Variants in POLE observed in about 807,000 individuals in gnomAD.
The protein encoded by POLE is DNA polymerase epsilon, catalytic subunit.
A neutral mutation model predicts 279.2 loss-of-function variants in POLE; 188 were observed. The ratio of observed to expected loss-of-function variants is 0.67; its 90% CI spans 0.60 to 0.76. The LOEUF is 0.76. Among genes scored for constraint, POLE ranks in the 30% least tolerant of loss-of-function variants. The probability of loss-of-function intolerance (pLI) is 0.00; values close to 1 mark genes in which losing one functional copy is unlikely to be tolerated. For missense variants in POLE, 2,703 were observed against 3,016.7 expected (o/e 0.90, Z 2.44); for synonymous variants, 1,214 against 1,172.5 (o/e 1.04, Z -0.72).
At position 132,624,811 on chromosome 12, in the gene POLE, C is replaced by T. The variant is rs1593693662; in HGVS notation, c.6748-1G>A. 1 of 1,608,320 alleles carries T rather than the reference C, an allele frequency of 6.2e-7. No homozygotes were observed. The highest frequency in any genetic ancestry group is 8.5e-7 in the Non-Finnish European group (1 of 1,174,666). ...ATATTCCGATCTGTTCCATGAAGAC[C>T]TGCAGGAATAAACAGGCACAGTGAG... is the stretch of plus-strand genomic sequence containing the variant. On this transcript the variant is annotated splice_acceptor_variant, in intron 48 of 48. Coordinates refer to ENST00000320574, the MANE Select transcript of POLE (RefSeq NM_006231.4). LOFTEE classifies it high-confidence loss of function.
In POLE at chr12:132,661,957, C is replaced by A. The variant is rs928006622; in HGVS notation, c.2707-273G>T. 1.3e-5 allele frequency among the ~76,000 whole-genome samples: 2 copies of A among 152,154 alleles called. No individual in the cohort carries two copies. The highest frequency in any genetic ancestry group is 2.4e-5 in the African/African-American group (1 of 41,444). On this transcript the variant is annotated intron_variant, in intron 23 of 48. Transcript: ENST00000320574. The surrounding 1 kb of genome is among the most constrained non-coding windows in gnomAD (Gnocchi z 4.1). The stretch of plus-strand genomic sequence containing the variant: ...TTTTCGACAAAGCAAAATTATAGTA[C>A]AAAAAACACATTGTGGGTTGCCAGG...
At chr12:132,636,912 C>T (rs1215653415) in intron 41 of POLE, among the ~76,000 whole-genome samples, 1 of 152,262 alleles carries the variant, frequency 6.6e-6, no homozygotes, top group African/African-American at 2.4e-5. Context: ...CTGCTCTTCG[C>T]GCTAAGGAAG....
At position 132,624,186 on chromosome 12, in the gene POLE, T is replaced by C; in HGVS notation, c.*511A>G. ...CTGGGGAAACCAGCCCACAAACTGCTCCTGTGAGGCTGTGGGGCCAGCCCA... is the reference window on the plus strand; with the variant it reads ...CTGGGGAAACCAGCCCACAAACTGCCCCTGTGAGGCTGTGGGGCCAGCCCA... On this transcript the variant is annotated 3_prime_UTR_variant, in exon 49 of 49. Coordinates refer to ENST00000320574, the MANE Select transcript of POLE (RefSeq NM_006231.4). 4.5e-6 allele frequency: 1 copy of C among 224,212 alleles called. No individual in the cohort carries two copies. Among genetic ancestry groups the C allele is most frequent in the Non-Finnish European group, 8.9e-6 (1 of 112,188 alleles). 13.9% of individuals were successfully genotyped at this position (224,212 alleles called of 1,614,324 possible).
rs771930571 is a variant in POLE, at chr12:132,687,297, C to G, written c.19G>C (p.Gly7Arg). The G allele has an allele frequency of 3.3e-6, 5 of 1,505,636 alleles. No homozygotes were observed. In the South Asian group the frequency reaches 5.0e-5, roughly 15 times the overall value. The allele number at this position is 1,505,636 out of a possible 1,614,324, so 93.3% of individuals were successfully genotyped here. Residue 7 changes from glycine to arginine, a missense_variant, in exon 1 of 49, where the codon GGG becomes CGG. Gly to Arg is a moderately radical substitution (Grantham distance 125). Transcript: ENST00000320574. ...GCGCCTGGGTCCGCGCGCCGCCGCC[C>G]GCCGCTCCTCAGAGACATGGAGCCG... MSLRSG[G>R]RRRADPGADG...
intron 16 of POLE, among the ~76,000 whole-genome samples, chr12:132,670,099 C>T (rs1178590948): frequency 5.3e-5 from 8 of 152,008 alleles, no homozygotes; most frequent in East Asian, 2.0e-4. Context: ...AGGTCGGGCG[C>T]GGTGGCTCAC....
intron 41 of POLE, among the ~76,000 whole-genome samples, chr12:132,636,499 T>C (rs899102933): frequency 1.1e-4 from 16 of 146,776 alleles, no homozygotes; most frequent in Non-Finnish European, 1.8e-4. Flanking sequence ...CTCACGCCTG[T>C]AATCCTAGCA....
Position 132,626,195 on chromosome 12 carries a change from G to A in POLE, c.6453C>T (p.Tyr2151=), listed in dbSNP as rs116076060. ...TGCGGCAGATGACCTCAGGAAGCACGTAGGAGCGGCAGGGGTCTCGGAACT... is the reference window on the plus strand; with the variant it reads ...TGCGGCAGATGACCTCAGGAAGCACATAGGAGCGGCAGGGGTCTCGGAACT... ...EAQFRDPCRS[Y]VLPEVICRSC... Residue 2151 remains tyrosine, a synonymous_variant, in exon 46 of 49, where the codon TAC becomes TAT. Coordinates refer to ENST00000320574, the MANE Select transcript of POLE (RefSeq NM_006231.4). The A allele has an allele frequency of 2.0e-3, 3,151 of 1,613,686 alleles. 5 individuals are homozygous for A. The highest frequency in any genetic ancestry group is 2.3e-3 in the Non-Finnish European group (2,750 of 1,179,898).
In POLE at chr12:132,626,322, A is replaced by G; in HGVS notation, c.6331-5T>C. 6.2e-7 allele frequency: 1 copy of G among 1,613,444 alleles called. No homozygotes were observed. On this transcript the variant is annotated splice_polypyrimidine_tract_variant and splice_region_variant and intron_variant, in intron 45 of 48. Transcript: ENST00000320574. ...GTTGGTGTCCAGGGACAGCACCTGC[A>G]GAGACCACAGCCCACATCGGGAAGG...
rs116719126 is a variant in POLE at position 132,668,496 on chromosome 12, G to C, written c.2033C>G (p.Ala678Gly). 1 of 1,592,864 alleles carries C rather than the reference G, an allele frequency of 6.3e-7. No individual in the cohort carries two copies. Among genetic ancestry groups the C allele is most frequent in the Non-Finnish European group, 8.6e-7 (1 of 1,167,342 alleles). The change falls in exon 19 of 49, where the codon GCC (alanine) becomes GGC (glycine). Residue 678 changes from alanine to glycine, a missense_variant. Physicochemically the swap from Ala to Gly is moderately conservative, Grantham distance 60. Around this residue, in one of 5 missense-constraint regions of POLE, gnomAD observed 1,011 missense variants for 1,111.7 expected, o/e 0.91. Coordinates refer to ENST00000320574, the MANE Select transcript of POLE (RefSeq NM_006231.4). The surrounding 1 kb of genome is among the most constrained non-coding windows in gnomAD (Gnocchi z 4.0). ...AWQWRGEFMPASRSEYHRIQH... is the reference protein window; with the variant it reads ...AWQWRGEFMPGSRSEYHRIQH... The stretch of plus-strand genomic sequence containing the variant: ...GATCCGATGGTATTCGCTGCGACTG[G>C]CTGGCACTGGGAAGGAGGCAATGGG...
chr12:132,653,911 T>C (rs1299244278), intron 29 of POLE, among the ~76,000 whole-genome samples: 1 of 152,254 alleles, frequency 6.6e-6, no homozygotes, highest in Non-Finnish European at 1.5e-5. Context: ...TCTGCATCTA[T>C]TGGAGATGAT....
intron 27 of POLE, 66 bp from the exon 28 acceptor site, chr12:132,657,495 A>T: frequency 1.5e-6 from 2 of 1,329,754 alleles, no homozygotes; most frequent in Non-Finnish European, 2.2e-6. Context: ...GGCTCACTTC[A>T]TGCTGAGCAC....
At chr12:132,643,657 C>A in intron 33 of POLE, 97 bp from the exon 34 acceptor site, 2 of 1,551,922 alleles carry the variant, frequency 1.3e-6, no homozygotes, top group Admixed American at 1.7e-5. Flanking sequence ...GCCCCTGCAG[C>A]TGCCCGGCCC....
rs571544807 is a variant in POLE, at chr12:132,668,913, A to C, written c.1821T>G (p.Leu607=). ...GGCTGGGAACGTCCTTCAGGGAGGC[A>C]AGCTTGCTCTTAATCTCATCACACA... is the stretch of plus-strand genomic sequence containing the variant. ...EEVCDEIKSK[L]ASLKDVPSRI... The change falls in exon 17 of 49, where the codon CTT becomes CTG. Residue 607 remains leucine (L), a synonymous_variant. Coordinates refer to ENST00000320574, the MANE Select transcript of POLE (RefSeq NM_006231.4). This position sits in a 1 kb window ranked among gnomAD's most constrained non-coding sequence, Gnocchi z 4.0. 3.7e-6 allele frequency: 6 copies of C among 1,614,174 alleles called. No homozygotes were observed. In the African/African-American group the frequency reaches 4.0e-5, roughly 11 times the overall value.
At chr12:132,665,160 C>G (rs898085006) in intron 21 of POLE, 142 bp downstream of exon 21, 7 of 935,986 alleles carry the variant, frequency 7.5e-6, no homozygotes, top group Non-Finnish European at 1.1e-5. Context: ...CCAGCCCCAC[C>G]CCAGCCCAAA....
intron 45 of POLE, among the ~76,000 whole-genome samples, chr12:132,628,171 G>C (rs553024519): frequency 2.6e-5 from 4 of 151,838 alleles, no homozygotes; most frequent in African/African-American, 9.7e-5. Flanking sequence ...GTGAAACCCT[G>C]TCTCTACTAA....
chr12:132,628,109 C>T (rs977981408), intron 45 of POLE, among the ~76,000 whole-genome samples: 5 of 152,060 alleles, frequency 3.3e-5, no homozygotes, highest in Non-Finnish European at 7.4e-5. Context: ...TTTGGGAGGC[C>T]GAGGTGGGCA....
rs1239019579 is a variant in POLE at position 132,634,620 on chromosome 12, C to G, written c.5812-242G>C. On this transcript the variant is annotated intron_variant, in intron 42 of 48. Coordinates refer to ENST00000320574, the MANE Select transcript of POLE (RefSeq NM_006231.4). The surrounding 1 kb of genome is among the most constrained non-coding windows in gnomAD (Gnocchi z 4.0). ...TCGTGACCTGGGACTGTGAGCTTCA[C>G]TCTGCTCTTCCAGAGTTCACTTTAA... Among the ~76,000 whole-genome samples the G allele has an allele frequency of 6.6e-6, 1 of 152,154 alleles. No homozygotes were observed. The highest frequency in any genetic ancestry group is 2.4e-5 in the African/African-American group (1 of 41,408).
chr12:132,685,796 T>C (rs777904700), intron 1 of POLE, among the ~76,000 whole-genome samples: 23 of 152,336 alleles, frequency 1.5e-4, no homozygotes, highest in Middle Eastern at 3.4e-3. Flanking sequence ...TTAGGGATCC[T>C]TACCACTTGG....
At chr12:132,635,688 T>A (rs183954700) in intron 42 of POLE, among the ~76,000 whole-genome samples, 4 of 152,374 alleles carry the variant, frequency 2.6e-5, no homozygotes, top group Admixed American at 2.0e-4. Context: ...ACGGCAAGCC[T>A]TGCCATCACC....
Sources: gnomAD v4.1 joint callset for allele counts (sites outside exome capture counted in the v4.1 genomes callset) on GRCh38, gnomAD v4.1.1 for gene constraint, gnomAD v4.1.1 regional missense constraint, Gnocchi (gnomAD v3.1) non-coding constraint, MANE v1.5 for transcripts, NCBI Gene and HGNC (gene_info 2026-07-23, HGNC 2026-07-21) for gene names.